The following LRFN5 variants were observed in gnomAD, a reference collection of about 807,000 sequenced individuals.
LRFN5 encodes leucine-rich repeat and fibronectin type-III domain-containing protein 5.
Under a neutral mutation model 45.6 loss-of-function variants are expected in LRFN5, and 24 were observed. The ratio of observed to expected loss-of-function variants is 0.53; its 90% CI spans 0.38 to 0.74. LRFN5 has a LOEUF of 0.74. Ranked by LOEUF, LRFN5 falls within the 30% of genes least tolerant of loss-of-function variation. The pLI is 0.00. For missense variants in LRFN5, 776 were observed against 861.5 expected (o/e 0.90, Z 1.24); for synonymous variants, 340 against 313.8 (o/e 1.08, Z -0.88).
At chr14:41,849,843 T>C (rs1414447826) in intron 2 of LRFN5, among the ~76,000 whole-genome samples, 1 of 152,010 alleles carries the variant, frequency 6.6e-6, no homozygotes, top group East Asian at 1.9e-4. Context: ...AATAAGTAAA[T>C]ATTATATTCT....
chr14:41,690,063 A>C (rs1383144360), intron 1 of LRFN5, among the ~76,000 whole-genome samples: 1 of 152,156 alleles, frequency 6.6e-6, no homozygotes, highest in African/African-American at 2.4e-5. Context: ...CCAAACAAAA[A>C]CATTACAAGT....
chr14:41,685,115 A>C (rs960033784), intron 1 of LRFN5, among the ~76,000 whole-genome samples: 6 of 152,174 alleles, frequency 3.9e-5, no homozygotes, highest in Non-Finnish European at 8.8e-5. Flanking sequence ...ATCTTGTGCA[A>C]GTTAAAATGC....
At chr14:41,846,220 C>CAG (rs1889057717) in intron 2 of LRFN5, among the ~76,000 whole-genome samples, 1 of 151,524 alleles carries the variant, frequency 6.6e-6, no homozygotes, top group South Asian at 2.1e-4. Flanking sequence ...CACAGACACA[C>CAG]ACACACACAC....
intron 1 of LRFN5, among the ~76,000 whole-genome samples, chr14:41,661,029 G>A (rs369890731): frequency 3.3e-5 from 5 of 149,878 alleles, no homozygotes; most frequent in African/African-American, 1.2e-4. Flanking sequence ...ATTCCTATGA[G>A]GTACAAATAA....
chr14:41,648,027 T>C (rs1173012981), intron 1 of LRFN5, among the ~76,000 whole-genome samples: 1 of 152,210 alleles, frequency 6.6e-6, no homozygotes, highest in Non-Finnish European at 1.5e-5. Context: ...TATTAACATA[T>C]CTACATCTAT....
chr14:41,855,296 G>T (rs1889414451), intron 2 of LRFN5, among the ~76,000 whole-genome samples: 1 of 152,166 alleles, frequency 6.6e-6, no homozygotes, highest in South Asian at 2.1e-4. Flanking sequence ...ACTGTGTATA[G>T]ATTTATTATG....
chr14:41,739,992 A>T (rs369860400), intron 1 of LRFN5, among the ~76,000 whole-genome samples: 1 of 152,148 alleles, frequency 6.6e-6, no homozygotes, highest in South Asian at 2.1e-4. Context: ...ATGACAAATA[A>T]AAAAGAAATA....
chr14:41,750,890 G>T (rs190709274), intron 1 of LRFN5, among the ~76,000 whole-genome samples: 16 of 152,018 alleles, frequency 1.1e-4, no homozygotes, highest in African/African-American at 3.9e-4. Context: ...TGTTACATAG[G>T]TATACACGTG....
intron 2 of LRFN5, among the ~76,000 whole-genome samples, chr14:41,845,282 CA>C (rs1889021804): frequency 6.6e-6 from 1 of 152,038 alleles, no homozygotes; most frequent in Admixed American, 6.6e-5. Flanking sequence ...GAAAAGGAGG[CA>C]ACCAGACAGC....
chr14:41,732,845 CAAT>C (rs1212044142), intron 1 of LRFN5, among the ~76,000 whole-genome samples: 1 of 151,132 alleles, frequency 6.6e-6, no homozygotes, highest in East Asian at 1.9e-4. Context: ...AACGTCAACA[CAAT>C]TATATGTGAA....
rs191165978 is a variant in LRFN5, at chr14:41,819,727, A to G, written c.-21+52698A>G. On this transcript the variant is annotated intron_variant, in intron 2 of 5. Transcript: ENST00000298119. ...CAACCAGATCTCATGAGAACTCATT[A>G]TGGTCACTAGAGTGCCAAGAACGAT... 1.5e-4 allele frequency among the ~76,000 whole-genome samples: 23 copies of G among 152,156 alleles called. No individual in the cohort carries two copies. In the East Asian group the frequency reaches 4.1e-3, roughly 27 times the overall value.
intron 1 of LRFN5, among the ~76,000 whole-genome samples, chr14:41,611,320 C>T (rs1442207502): frequency 6.6e-6 from 1 of 152,148 alleles, no homozygotes; most frequent in African/African-American, 2.4e-5. Context: ...ATTTCTGCCA[C>T]CTTTTTCTTC....
At chr14:41,892,714 C>A (rs548307371) in intron 4 of LRFN5, 418 of 985,064 alleles carry the variant, frequency 4.2e-4, no homozygotes, top group Non-Finnish European at 4.2e-4. Flanking sequence ...GGTGCAGGTG[C>A]CTTAATGGTT....
At chr14:41,617,393 TC>T (rs907619785) in intron 1 of LRFN5, among the ~76,000 whole-genome samples, 2 of 152,118 alleles carry the variant, frequency 1.3e-5, no homozygotes, top group Admixed American at 1.3e-4. Context: ...AAAATTAAAA[TC>T]CAAACATTTT....
chr14:41,698,064 T>C (rs1358682504), intron 1 of LRFN5, among the ~76,000 whole-genome samples: 1 of 151,880 alleles, frequency 6.6e-6, no homozygotes, highest in East Asian at 1.9e-4. Context: ...AAGGGGATAG[T>C]TGTAAACATT....
chr14:41,829,802 T>A (rs959619221), intron 2 of LRFN5, among the ~76,000 whole-genome samples: 11 of 151,882 alleles, frequency 7.2e-5, no homozygotes, highest in East Asian at 3.9e-4. Flanking sequence ...TACTTTTTTT[T>A]TAAATTTCTG....
At chr14:41,808,863 C>G (rs1259512461) in intron 2 of LRFN5, among the ~76,000 whole-genome samples, 2 of 152,030 alleles carry the variant, frequency 1.3e-5, no homozygotes. Context: ...CACTCCAGCT[C>G]CTAATCACGA....
intron 2 of LRFN5, among the ~76,000 whole-genome samples, chr14:41,821,289 C>G (rs1888104258): frequency 6.6e-6 from 1 of 151,562 alleles, no homozygotes. Flanking sequence ...TTCTTCCATT[C>G]CTAGTTTGTT....
chr14:41,671,961 T>C (rs1432720866), intron 1 of LRFN5, among the ~76,000 whole-genome samples: 2 of 152,170 alleles, frequency 1.3e-5, no homozygotes, highest in Non-Finnish European at 2.9e-5. Flanking sequence ...TCAAAACCTA[T>C]TTACTAAGCA....
Sources: allele counts gnomAD v4.1 joint callset (sites outside exome capture counted in the v4.1 genomes callset), GRCh38; gene constraint gnomAD v4.1.1; transcripts MANE v1.5; gene names NCBI Gene and HGNC (gene_info 2026-07-23, HGNC 2026-07-21).